MTDH: variants seen among roughly 807,000 people sequenced by gnomAD.
MTDH encodes metadherin, also known as protein LYRIC.
Under a neutral mutation model 72.7 loss-of-function variants are expected in MTDH, and 34 were observed. The observed-to-expected ratio is 0.47, with a 90% confidence interval of 0.36 to 0.62. The LOEUF (loss-of-function observed/expected upper bound fraction) is 0.62. Among genes scored for constraint, MTDH ranks in the 20% least tolerant of loss-of-function variants. The pLI is 0.00. For synonymous variants in MTDH, 266 were observed against 268.9 expected (o/e 0.99, Z 0.10); for missense variants, 677 against 699.4 (o/e 0.97, Z 0.36).
chr8:97,663,726 G>A (rs1812264954), intron 2 of MTDH, among the ~76,000 whole-genome samples: 1 of 142,904 alleles, frequency 7.0e-6, no homozygotes, highest in Non-Finnish European at 1.5e-5. Flanking sequence ...TCCAGCCTGG[G>A]CGACAGAGCA....
chr8:97,710,212 T>C (rs1814565028), intron 8 of MTDH, among the ~76,000 whole-genome samples: 1 of 152,072 alleles, frequency 6.6e-6, no homozygotes. Flanking sequence ...GTAAACTGTC[T>C]GGTAGTTCGT....
At chr8:97,715,177 G>C (rs1814812116) in intron 9 of MTDH, among the ~76,000 whole-genome samples, 1 of 150,548 alleles carries the variant, frequency 6.6e-6, no homozygotes, top group South Asian at 2.1e-4. Flanking sequence ...ACCCCGGCTG[G>C]AGTGCAGTGG....
intron 6 of MTDH, among the ~76,000 whole-genome samples, chr8:97,698,219 C>CA (rs1813952846): frequency 6.6e-6 from 1 of 152,186 alleles, no homozygotes; most frequent in Non-Finnish European, 1.5e-5. Context: ...TTTCTTTATA[C>CA]AGTGGCTCTG....
chr8:97,644,806 C>A lies in MTDH; in HGVS notation c.300C>A (p.Pro100=), dbSNP rs768866285. The change falls in exon 1 of 12, where the codon CCC becomes CCA. Residue 100 remains proline, a synonymous_variant. Transcript: ENST00000336273. The part of the protein sequence containing the change: ...EEAAAVPAAA[P]DDLALLKNLR... ...CGGCGGCCGTGCCGGCCGCGGCCCC[C>A]GACGACCTGGCCTTGCTGAAGAATC... is the stretch of plus-strand genomic sequence containing the variant. The A allele has an allele frequency of 1.3e-6, 2 of 1,564,794 alleles. No homozygotes were observed. The highest frequency in any genetic ancestry group is 1.4e-5 in the African/African-American group (1 of 69,314).
chr8:97,682,150 T>C (rs1364244670), intron 2 of MTDH, among the ~76,000 whole-genome samples: 1 of 148,134 alleles, frequency 6.8e-6, no homozygotes, highest in South Asian at 2.1e-4. Context: ...TAGCAGTATA[T>C]ATCACATATT....
At chr8:97,719,285 G>A in intron 10 of MTDH, 96 bp downstream of exon 10, 1 of 1,273,854 alleles carries the variant, frequency 7.9e-7, no homozygotes, top group Non-Finnish European at 1.1e-6. Flanking sequence ...ATGAGGTCAG[G>A]AGTTCAAGAG....
intron 1 of MTDH, among the ~76,000 whole-genome samples, chr8:97,660,394 CATTT>C (rs1487578958): frequency 1.3e-5 from 2 of 152,200 alleles, no homozygotes; most frequent in East Asian, 3.9e-4. Flanking sequence ...GCCTAACATT[CATTT>C]GTTTATGTAT....
At chr8:97,722,308 A>T (rs953058039) in intron 10 of MTDH, among the ~76,000 whole-genome samples, 3 of 152,222 alleles carry the variant, frequency 2.0e-5, no homozygotes, top group African/African-American at 7.2e-5. Flanking sequence ...AAACTTAAGA[A>T]TATAAAAGTT....
intron 2 of MTDH, among the ~76,000 whole-genome samples, chr8:97,681,223 G>GA (rs1377537322): frequency 1.3e-5 from 2 of 152,048 alleles, no homozygotes; most frequent in Non-Finnish European, 1.5e-5. Context: ...TTTGTTCTGA[G>GA]AAAAAATCCA....
chr8:97,659,802 T>A (rs1471171677), intron 1 of MTDH, among the ~76,000 whole-genome samples: 1 of 152,182 alleles, frequency 6.6e-6, no homozygotes, highest in Non-Finnish European at 1.5e-5. Flanking sequence ...AGAGTACAGA[T>A]ACCTAGGCCC....
intron 1 of MTDH, among the ~76,000 whole-genome samples, chr8:97,659,560 G>A (rs1050330205): frequency 8.5e-5 from 13 of 152,134 alleles, no homozygotes; most frequent in African/African-American, 3.1e-4. Context: ...TTCCAACTTT[G>A]TATCCCTGAT....
intron 1 of MTDH, among the ~76,000 whole-genome samples, chr8:97,654,389 G>C (rs1811886750): frequency 6.6e-6 from 1 of 152,116 alleles, no homozygotes; most frequent in Non-Finnish European, 1.5e-5. Context: ...GAACGTTTCA[G>C]AACTAAAACA....
chr8:97,677,260 G>A (rs1489454441), intron 2 of MTDH, among the ~76,000 whole-genome samples: 5 of 144,846 alleles, frequency 3.5e-5, no homozygotes, highest in African/African-American at 7.7e-5. Flanking sequence ...TTGGGAGGCC[G>A]AGGCAGGTGG....
At chr8:97,665,759 G>A (rs1812357273) in intron 2 of MTDH, among the ~76,000 whole-genome samples, 1 of 152,122 alleles carries the variant, frequency 6.6e-6, no homozygotes, top group Non-Finnish European at 1.5e-5. Flanking sequence ...GATAGGGTAG[G>A]GATGTGATAA....
intron 1 of MTDH, among the ~76,000 whole-genome samples, chr8:97,646,995 T>A (rs957960009): frequency 2.0e-5 from 3 of 152,200 alleles, no homozygotes; most frequent in Non-Finnish European, 4.4e-5. Flanking sequence ...CATGACCCAC[T>A]AAATTCATTT....
At position 97,673,431 on chromosome 8, in the gene MTDH, G is replaced by C. The variant is rs367588245; in HGVS notation, c.483+12258G>C. ...CCCAGCACTTTGGGAGGCCAAGGTG[G>C]GTGGATCACCTGAGGTCAGGAGTTC... On this transcript the variant is annotated intron_variant, in intron 2 of 11. Coordinates refer to ENST00000336273, the MANE Select transcript of MTDH (RefSeq NM_178812.4). 6.6e-4 allele frequency among the ~76,000 whole-genome samples: 100 copies of C among 152,228 alleles called. 1 individual carries two copies. The East Asian group carries it at 0.016, about 25-fold the overall frequency.
chr8:97,691,005 A>G lies in MTDH; in HGVS notation c.865A>G (p.Lys289Glu), dbSNP rs1276813199. The change falls in exon 6 of 12, where the codon AAG becomes GAG. Residue 289 changes from lysine (K) to glutamate (E), a missense_variant. By Grantham distance (56) the Lys-to-Glu change is moderately conservative. Transcript: ENST00000336273. Reference sequence around the variant, plus strand: ...TGTCAATGGAGGAGGCTGGAATGAAAAGTCTGTAAAACTCTCCTCACAGAT... The same window carrying G: ...TGTCAATGGAGGAGGCTGGAATGAAGAGTCTGTAAAACTCTCCTCACAGAT... Reference protein sequence around the residue: ...LTVNGGGWNEKSVKLSSQISA... With the variant: ...LTVNGGGWNEESVKLSSQISA... The G allele has an allele frequency of 1.2e-6, 2 of 1,614,028 alleles. No homozygotes were observed. Among genetic ancestry groups the G allele is most frequent in the African/African-American group, 2.7e-5 (2 of 75,040 alleles).
chr8:97,729,670 GT>G lies in MTDH; in HGVS notation c.*5007del, dbSNP rs763880711. On this transcript the variant is annotated 3_prime_UTR_variant, in exon 12 of 12. Transcript: ENST00000336273. ...TATGATAGTTTGCTTTTTGTTTTTT[GT>G]TTTTTTCTAGAGACAGAGTCTCGTT... Among the ~76,000 whole-genome samples the G allele has an allele frequency of 2.0e-5, 3 of 151,732 alleles. No individual in the cohort carries two copies. Among genetic ancestry groups the G allele is most frequent in the Non-Finnish European group, 4.4e-5 (3 of 67,922 alleles).
intron 2 of MTDH, 123 bp downstream of exon 2, chr8:97,661,296 T>C (rs1812164545): frequency 1.5e-6 from 1 of 680,828 alleles, no homozygotes; most frequent in East Asian, 2.9e-5. Context: ...TCAGAAAATC[T>C]GAATTAACCA....
Sources: allele counts gnomAD v4.1 joint callset (sites outside exome capture counted in the v4.1 genomes callset), GRCh38; gene constraint gnomAD v4.1.1; transcripts MANE v1.5; gene names NCBI Gene and HGNC (gene_info 2026-07-23, HGNC 2026-07-21).